The following CPB2 variants were observed in gnomAD, a reference collection of about 807,000 sequenced individuals.
CPB2 encodes the protein carboxypeptidase B-like protein.
A neutral mutation model predicts 57.0 loss-of-function variants in CPB2; 54 were observed. The ratio of observed to expected loss-of-function variants is 0.95; its 90% CI spans 0.76 to 1.19. The LOEUF is 1.19. CPB2 is among the 50% of genes most tolerant of loss of function. CPB2 has a pLI of 0.00. For missense variants in CPB2, 426 were observed against 512.0 expected, an observed-to-expected ratio of 0.83 and a Z score of 1.62; for synonymous variants, 189 against 178.1, an observed-to-expected ratio of 1.06 and a Z score of -0.49.
At position 46,104,116 on chromosome 13, in the gene CPB2, G is replaced by C. The variant is rs114383711; in HGVS notation, c.74+820C>G. 4.9e-3 allele frequency among the ~76,000 whole-genome samples: 739 copies of C among 151,780 alleles called. 5 individuals carry two copies. Among genetic ancestry groups the C allele is most frequent in the African/African-American group, 0.017 (711 of 41,118 alleles). On this transcript the variant is annotated intron_variant, in intron 1 of 10. Transcript: ENST00000181383. ...GACCGTGAACATTTTTTTGGTGGTA[G>C]AATGTTCCTTGTCACTGGTATATTC... is the stretch of plus-strand genomic sequence containing the variant.
intron 10 of CPB2, among the ~76,000 whole-genome samples, chr13:46,055,501 C>G (rs764054277): frequency 1.3e-5 from 2 of 152,118 alleles, no homozygotes; most frequent in Non-Finnish European, 2.9e-5. Flanking sequence ...TAGTATGATG[C>G]CAATTCTGTA....
chr13:46,087,661 G>A (rs2045230782), intron 2 of CPB2, 84 bp downstream of exon 2: 1 of 869,790 alleles, frequency 1.1e-6, no homozygotes, highest in Non-Finnish European at 1.9e-6. Flanking sequence ...ATACATGTAA[G>A]CCAGACAACA....
chr13:46,101,792 C>G (rs537432585), intron 1 of CPB2, among the ~76,000 whole-genome samples: 1 of 152,142 alleles, frequency 6.6e-6, no homozygotes, highest in Admixed American at 6.6e-5. Flanking sequence ...ATCTGGGGCT[C>G]GAATCCAGAT....
chr13:46,079,189 A>G (rs1454742696), intron 4 of CPB2, among the ~76,000 whole-genome samples: 1 of 152,242 alleles, frequency 6.6e-6, no homozygotes, highest in Non-Finnish European at 1.5e-5. Flanking sequence ...TTACTTTTAA[A>G]GTCATCACAT....
intron 1 of CPB2, among the ~76,000 whole-genome samples, chr13:46,088,507 G>A (rs537686803): frequency 1.3e-5 from 2 of 152,304 alleles, no homozygotes; most frequent in East Asian, 3.9e-4. Flanking sequence ...GTTCACACGT[G>A]AAAGCATTTT....
At position 46,055,883 on chromosome 13, in the gene CPB2, G is replaced by A. The variant is rs200150560; in HGVS notation, c.1000-34C>T. ...AACAAGATATAGAATTTCAGTTAAT[G>A]TGCAGCTTTGAAACATGACAAGTAG... On this transcript the variant is annotated intron_variant, in intron 9 of 10. Coordinates refer to ENST00000181383, the MANE Select transcript of CPB2 (RefSeq NM_001872.5). The A allele has an allele frequency of 4.0e-6, 5 of 1,243,478 alleles. No homozygotes were observed. In the Admixed American group the frequency reaches 5.7e-5, roughly 14 times the overall value. The allele number at this position is 1,243,478 out of a possible 1,614,324, so 77.0% of individuals were successfully genotyped here. A position where few individuals can be genotyped will look rare whatever the true frequency, so the allele number is the denominator to read the frequency against.
chr13:46,054,541 A>T (rs983640547), intron 10 of CPB2, among the ~76,000 whole-genome samples: 9 of 152,160 alleles, frequency 5.9e-5, no homozygotes, highest in Admixed American at 2.0e-4. Context: ...TTCCAACCGC[A>T]TTAATTGAAT....
chr13:46,078,302 TGTTA>T (rs2045055351), intron 5 of CPB2, among the ~76,000 whole-genome samples: 1 of 152,226 alleles, frequency 6.6e-6, no homozygotes, highest in Admixed American at 6.5e-5. Flanking sequence ...TTTTATTTTC[TGTTA>T]GTGTTTGTCC....
At chr13:46,086,075 A>G (rs186411120) in intron 2 of CPB2, among the ~76,000 whole-genome samples, 11 of 152,192 alleles carry the variant, frequency 7.2e-5, no homozygotes, top group South Asian at 6.2e-4. Flanking sequence ...AGCAGCTTCA[A>G]TGGCTGGCAC....
chr13:46,079,551 A>AAAAGAAAAG (rs1555309760), intron 4 of CPB2, among the ~76,000 whole-genome samples: 1 of 124,758 alleles, frequency 8.0e-6, no homozygotes, highest in African/African-American at 3.4e-5. Context: ...AAAAAAAAAA[A>AAAAGAAAAG]AAAAGAAAAG....
In CPB2 at chr13:46,096,833, C is replaced by T. The variant is rs146801118; in HGVS notation, c.74+8103G>A. Among the ~76,000 whole-genome samples the T allele has an allele frequency of 1.7e-3, 259 of 152,082 alleles. 2 individuals are homozygous for T. The highest frequency in any genetic ancestry group is 5.9e-3 in the African/African-American group (244 of 41,468). On this transcript the variant is annotated intron_variant, in intron 1 of 10. Coordinates refer to ENST00000181383, the MANE Select transcript of CPB2 (RefSeq NM_001872.5). Reference sequence around the variant, plus strand: ...TGCATTATGGACTCACTCGGGTGACCGAAAGAGAGCAGAGAGGGAAATCGT... The same window carrying T: ...TGCATTATGGACTCACTCGGGTGACTGAAAGAGAGCAGAGAGGGAAATCGT...
At chr13:46,082,419 G>T in intron 4 of CPB2, 22 bp downstream of exon 4, 1 of 1,362,684 alleles carries the variant, frequency 7.3e-7, no homozygotes, top group Non-Finnish European at 1.0e-6. Flanking sequence ...TAGTAGCTTT[G>T]AAGAGCTGTG....
chr13:46,085,341 C>T (rs1055639920), intron 2 of CPB2, among the ~76,000 whole-genome samples: 1 of 152,132 alleles, frequency 6.6e-6, no homozygotes, highest in East Asian at 1.9e-4. Context: ...GTAGTATTTC[C>T]TCTTTACCAT....
At chr13:46,061,596 A>G (rs2044773235) in intron 8 of CPB2, among the ~76,000 whole-genome samples, 1 of 152,232 alleles carries the variant, frequency 6.6e-6, no homozygotes, top group African/African-American at 2.4e-5. Flanking sequence ...GCAGCCATCT[A>G]CAAGCCAATG....
chr13:46,102,167 C>T (rs1263000077), intron 1 of CPB2, among the ~76,000 whole-genome samples: 2 of 152,168 alleles, frequency 1.3e-5, no homozygotes, highest in African/African-American at 4.8e-5. Flanking sequence ...AATTCAGAAG[C>T]CCTTTATCCT....
intron 6 of CPB2, among the ~76,000 whole-genome samples, chr13:46,073,197 A>T (rs144775768): frequency 1.9e-4 from 29 of 152,318 alleles, no homozygotes; most frequent in African/African-American, 6.3e-4. Flanking sequence ...TCAGAAAGAC[A>T]CATATTTTGA....
At chr13:46,069,691 C>G (rs2044909151) in intron 6 of CPB2, among the ~76,000 whole-genome samples, 1 of 152,150 alleles carries the variant, frequency 6.6e-6, no homozygotes, top group Non-Finnish European at 1.5e-5. Context: ...CTTTTGATTG[C>G]TGATTGATGT....
intron 3 of CPB2, among the ~76,000 whole-genome samples, chr13:46,083,819 T>C (rs1288677138): frequency 6.6e-6 from 1 of 152,132 alleles, no homozygotes; most frequent in Non-Finnish European, 1.5e-5. Context: ...CATTCAGAAA[T>C]GGTCACTGTC....
chr13:46,086,146 G>A (rs1424529821), intron 2 of CPB2, among the ~76,000 whole-genome samples: 1 of 152,084 alleles, frequency 6.6e-6, no homozygotes, highest in Non-Finnish European at 1.5e-5. Flanking sequence ...CCCTAAAGAG[G>A]GTGTCATAGT....
Sources: gnomAD v4.1 joint callset for allele counts (sites outside exome capture counted in the v4.1 genomes callset) on GRCh38, gnomAD v4.1.1 for gene constraint, MANE v1.5 for transcripts, NCBI Gene and HGNC (gene_info 2026-07-23, HGNC 2026-07-21) for gene names.